The following ABCA6 variants were observed in gnomAD, a reference collection of about 807,000 sequenced individuals.
ABCA6 encodes the protein ATP binding cassette subfamily A member 6.
In ABCA6, 164 loss-of-function variants were observed where a neutral mutation model predicts 191.2. The ratio of observed to expected loss-of-function variants is 0.86; its 90% CI spans 0.76 to 0.98. The LOEUF is 0.98. Ranked by LOEUF, ABCA6 falls within the 50% of genes least tolerant of loss-of-function variation. The pLI, the probability that ABCA6 is intolerant of heterozygous loss-of-function variation, is 0.00. For missense variants in ABCA6, 1,958 were observed against 1,894.1 expected, an observed-to-expected ratio of 1.03 and a Z score of -0.63; for synonymous variants, 636 against 647.7, an observed-to-expected ratio of 0.98 and a Z score of 0.27.
chr17:69,124,935 C>A lies in ABCA6; in HGVS notation c.1220G>T (p.Gly407Val). The A allele has an allele frequency of 6.3e-7, 1 of 1,576,352 alleles. No homozygotes were observed. Among genetic ancestry groups the A allele is most frequent in the Non-Finnish European group, 8.6e-7 (1 of 1,161,222 alleles). ...TAATGCCAATAGCAAGTAGATGAGA[C>A]CATCCAAAAGCAACATAGAAAAAGT... ...IATFSMLLLDGLIYLLLALYF... is the reference protein window; with the variant it reads ...IATFSMLLLDVLIYLLLALYF... Residue 407 changes from glycine to valine, a missense_variant, in exon 9 of 39, where the codon GGT becomes GTT. By Grantham distance (109) the Gly-to-Val change is moderately radical. Coordinates refer to ENST00000284425, the MANE Select transcript of ABCA6 (RefSeq NM_080284.3).
intron 2 of ABCA6, 72 bp downstream of exon 2, chr17:69,140,536 A>G: frequency 1.2e-6 from 1 of 840,054 alleles, no homozygotes; most frequent in Non-Finnish European, 1.8e-6. Context: ...AAAAGAGAAC[A>G]TAAGAGAATC....
intron 25 of ABCA6, among the ~76,000 whole-genome samples, chr17:69,091,525 T>TGACGTGTA (rs1234738560): frequency 2.7e-5 from 2 of 74,348 alleles, no homozygotes; most frequent in East Asian, 2.2e-4. Flanking sequence ...ATAGACTTCT[T>TGACGTGTA]TTTTTTTTTT....
rs1456947786 is a variant in ABCA6 at position 69,091,672 on chromosome 17, G to A, written c.3409-410C>T. Among the ~76,000 whole-genome samples the A allele has an allele frequency of 6.9e-5, 5 of 72,058 alleles. 1 individual carries two copies. The South Asian group carries it at 2.1e-3, about 30-fold the overall frequency. 47.3% of individuals were successfully genotyped at this position (72,058 alleles called of 152,430 possible). On this transcript the variant is annotated intron_variant, in intron 25 of 38. Coordinates refer to ENST00000284425, the MANE Select transcript of ABCA6 (RefSeq NM_080284.3). The stretch of plus-strand genomic sequence containing the variant: ...CGAGTAGCTGGGACTACAGGCGCCC[G>A]CCACTACGCCCGGCTAATTTTTTGT...
chr17:69,115,250 G>A (rs2073515306), intron 12 of ABCA6, 126 bp downstream of exon 12: 1 of 645,768 alleles, frequency 1.5e-6, no homozygotes, highest in African/African-American at 1.9e-5. Context: ...TGTAGCTCTT[G>A]GAAACAACTT....
intron 6 of ABCA6, among the ~76,000 whole-genome samples, chr17:69,130,104 T>G (rs1423428692): frequency 6.6e-6 from 1 of 151,770 alleles, no homozygotes; most frequent in Non-Finnish European, 1.5e-5. Context: ...TCATTTGAGG[T>G]CAAGAGTTCC....
At chr17:69,127,763 T>C (rs2073779896) in intron 8 of ABCA6, among the ~76,000 whole-genome samples, 1 of 151,606 alleles carries the variant, frequency 6.6e-6, no homozygotes, top group African/African-American at 2.4e-5. Flanking sequence ...CTATTCTGTT[T>C]GTTATATTAA....
chr17:69,126,282 T>C (rs1227705504), intron 8 of ABCA6, among the ~76,000 whole-genome samples: 1 of 152,152 alleles, frequency 6.6e-6, no homozygotes, highest in Non-Finnish European at 1.5e-5. Flanking sequence ...ATAGATGCTA[T>C]TTATAACAGC....
Position 69,084,343 on chromosome 17 carries a change from G to A in ABCA6, c.4273C>T (p.Leu1425=), listed in dbSNP as rs200777076. The change falls in exon 34 of 39, where the codon CTG becomes TTG. Residue 1425 remains leucine (L), a synonymous_variant. Coordinates refer to ENST00000284425, the MANE Select transcript of ABCA6 (RefSeq NM_080284.3). ...AGITRKLCFV[L]SLLGNSPVLL... ...ACAGGTGAGTTTCCCAGGAGGCTCA[G>A]CACAAAACACAACTGCAATGTAGAA... 3.7e-6 allele frequency: 6 copies of A among 1,614,114 alleles called. No homozygotes were observed.
chr17:69,137,217 T>C, intron 3 of ABCA6, 79 bp downstream of exon 3: 6 of 1,361,894 alleles, frequency 4.4e-6, no homozygotes, highest in Non-Finnish European at 6.1e-6. Flanking sequence ...GACTTTAACT[T>C]CAAATTAATG....
intron 31 of ABCA6, 117 bp from the exon 32 acceptor site, chr17:69,085,299 G>C: frequency 1.1e-6 from 1 of 932,400 alleles, no homozygotes; most frequent in Non-Finnish European, 1.6e-6. Context: ...AAATACTATA[G>C]AAATTACTTC....
Position 69,128,650 on chromosome 17 carries a change from C to G in ABCA6, c.1088G>C (p.Ser363Thr). The G allele has an allele frequency of 6.2e-7, 1 of 1,612,840 alleles. No homozygotes were observed. Among genetic ancestry groups the G allele is most frequent in the Non-Finnish European group, 8.5e-7 (1 of 1,179,306 alleles). Residue 363 changes from serine (S) to threonine (T), a missense_variant, in exon 8 of 39, where the codon AGC becomes ACC. Coordinates refer to ENST00000284425, the MANE Select transcript of ABCA6 (RefSeq NM_080284.3). ...SSLEWILNICSPFAFTTGMIQ... is the reference protein window; with the variant it reads ...SSLEWILNICTPFAFTTGMIQ... ...CATTCCAGTAGTAAAGGCAAAAGGG[C>G]TACAAATATTCAAAATCCACTCCAG...
intron 36 of ABCA6, 91 bp downstream of exon 36, chr17:69,082,782 C>A: frequency 1.3e-6 from 2 of 1,543,340 alleles, no homozygotes; most frequent in South Asian, 1.2e-5. Context: ...TATTATGAAG[C>A]CAAATCACTA....
chr17:69,110,715 A>G, intron 17 of ABCA6, 86 bp downstream of exon 17: 1 of 1,449,994 alleles, frequency 6.9e-7, no homozygotes, highest in Non-Finnish European at 9.1e-7. Flanking sequence ...AAAAAGTCTA[A>G]ATTCATTGGA....
chr17:69,117,882 C>A lies in ABCA6; in HGVS notation c.1495+16G>T. On this transcript the variant is annotated intron_variant, in intron 11 of 38. Coordinates refer to ENST00000284425, the MANE Select transcript of ABCA6 (RefSeq NM_080284.3). The stretch of plus-strand genomic sequence containing the variant: ...AAAGAAGTGAAAGAATGAAATTTTT[C>A]AATGTTTTTCTTTACCTTTCAATGC... 1.3e-6 allele frequency: 2 copies of A among 1,524,638 alleles called. No homozygotes were observed. The highest frequency in any genetic ancestry group is 1.8e-6 in the Non-Finnish European group (2 of 1,112,362). 94.4% of individuals were successfully genotyped at this position (1,524,638 alleles called of 1,614,324 possible). A position where few individuals can be genotyped will look rare whatever the true frequency, so the allele number is the denominator to read the frequency against.
chr17:69,101,875 G>A lies in ABCA6; in HGVS notation c.2875-941C>T, dbSNP rs138085498. On this transcript the variant is annotated intron_variant, in intron 21 of 38. Coordinates refer to ENST00000284425, the MANE Select transcript of ABCA6 (RefSeq NM_080284.3). The stretch of plus-strand genomic sequence containing the variant: ...TAATTTCCCAAAACTGGCACAAAGC[G>A]ATTACATTTTTTATAGCATATTTAG... Among the ~76,000 whole-genome samples the A allele has an allele frequency of 1.6e-3, 244 of 152,202 alleles. 1 individual carries two copies. Among genetic ancestry groups the A allele is most frequent in the African/African-American group, 5.6e-3 (234 of 41,550 alleles).
intron 5 of ABCA6, among the ~76,000 whole-genome samples, 169 bp downstream of exon 5, chr17:69,134,470 G>A (rs2073916993): frequency 6.6e-6 from 1 of 152,112 alleles, no homozygotes; most frequent in Admixed American, 6.6e-5. Context: ...CCTTGATCTT[G>A]CACTTCTCAG....
chr17:69,124,844 A>T, intron 9 of ABCA6, 44 bp downstream of exon 9: 1 of 1,170,054 alleles, frequency 8.5e-7, no homozygotes, highest in Non-Finnish European at 1.2e-6. Flanking sequence ...TATTCAATGT[A>T]ATTAATAACT....
chr17:69,124,368 C>A (rs1267383314), intron 9 of ABCA6, among the ~76,000 whole-genome samples: 3 of 151,846 alleles, frequency 2.0e-5, no homozygotes, highest in African/African-American at 7.2e-5. Flanking sequence ...TGAAAAAATT[C>A]TGGGCTTACG....
intron 8 of ABCA6, among the ~76,000 whole-genome samples, chr17:69,127,041 C>A: frequency 6.6e-6 from 1 of 152,108 alleles, no homozygotes; most frequent in East Asian, 1.9e-4. Context: ...GATTGCAATT[C>A]ATTCAAGGAA....
Sources: gnomAD v4.1 joint callset for allele counts (sites outside exome capture counted in the v4.1 genomes callset) on GRCh38, gnomAD v4.1.1 for gene constraint, MANE v1.5 for transcripts, NCBI Gene and HGNC (gene_info 2026-07-23, HGNC 2026-07-21) for gene names.